Variants in EXOC4 observed in about 807,000 individuals in gnomAD.
EXOC4 encodes the protein SEC8-like 1.
A neutral mutation model predicts 107.2 loss-of-function variants in EXOC4; 71 were observed. The observed-to-expected ratio is 0.66, with a 90% confidence interval of 0.55 to 0.81. EXOC4 has a LOEUF of 0.81. Among genes scored for constraint, EXOC4 ranks in the 30% least tolerant of loss-of-function variants. EXOC4 has a pLI of 0.00. For synonymous variants in EXOC4, 456 were observed against 441.2 expected (o/e 1.03, Z -0.42); for missense variants, 1,108 against 1,189.6 (o/e 0.93, Z 1.01).
intron 9 of EXOC4, among the ~76,000 whole-genome samples, chr7:133,537,816 A>AAT: frequency 6.6e-6 from 1 of 152,296 alleles, no homozygotes; most frequent in Non-Finnish European, 1.5e-5. Context: ...CCATTTTTCA[A>AAT]ATATATCAGT....
intron 17 of EXOC4, among the ~76,000 whole-genome samples, chr7:134,052,932 T>C (rs995917425): frequency 6.6e-6 from 1 of 152,228 alleles, no homozygotes; most frequent in African/African-American, 2.4e-5. Flanking sequence ...CTTTGTGTTT[T>C]ATACAGATCA....
chr7:133,992,648 T>C (rs1304835975), intron 14 of EXOC4, among the ~76,000 whole-genome samples: 1 of 151,390 alleles, frequency 6.6e-6, no homozygotes, highest in East Asian at 1.9e-4. Context: ...CCTAAGAGTT[T>C]TGGGGTGGAG....
chr7:133,372,642 T>G (rs1796402979), intron 6 of EXOC4, among the ~76,000 whole-genome samples: 1 of 152,168 alleles, frequency 6.6e-6, no homozygotes, highest in African/African-American at 2.4e-5. Flanking sequence ...TCATTGGCCC[T>G]GGAGATAACC....
intron 14 of EXOC4, among the ~76,000 whole-genome samples, chr7:133,946,962 A>G (rs901437526): frequency 6.6e-6 from 1 of 152,164 alleles, no homozygotes; most frequent in Non-Finnish European, 1.5e-5. Flanking sequence ...CTATTAATTC[A>G]TAGAGTCTTT....
intron 10 of EXOC4, among the ~76,000 whole-genome samples, chr7:133,647,492 G>C (rs1803022612): frequency 6.6e-6 from 1 of 152,064 alleles, no homozygotes; most frequent in African/African-American, 2.4e-5. Flanking sequence ...GGAACCTGAG[G>C]CATGGAGAGA....
At chr7:133,509,913 T>G (rs1799735511) in intron 9 of EXOC4, among the ~76,000 whole-genome samples, 1 of 152,254 alleles carries the variant, frequency 6.6e-6, no homozygotes, top group African/African-American at 2.4e-5. Context: ...TTCTTTCTTC[T>G]TCTTTTCACC....
At chr7:133,690,788 A>G (rs1037778513) in intron 10 of EXOC4, among the ~76,000 whole-genome samples, 2 of 152,172 alleles carry the variant, frequency 1.3e-5, no homozygotes, top group Non-Finnish European at 2.9e-5. Context: ...TCATTCAAAC[A>G]TAGGACAGGG....
intron 9 of EXOC4, among the ~76,000 whole-genome samples, chr7:133,510,071 C>T (rs940278690): frequency 3.3e-5 from 5 of 152,278 alleles, no homozygotes; most frequent in South Asian, 4.1e-4. Flanking sequence ...CAAACATTAC[C>T]GTGATTCAGT....
chr7:133,364,266 G>C (rs1440966683), intron 6 of EXOC4, among the ~76,000 whole-genome samples: 2 of 151,840 alleles, frequency 1.3e-5, no homozygotes, highest in Admixed American at 6.6e-5. Flanking sequence ...GAGTAGTTGG[G>C]ACTACAGTTA....
At chr7:133,815,065 A>G (rs186068363) in intron 10 of EXOC4, among the ~76,000 whole-genome samples, 2 of 152,304 alleles carry the variant, frequency 1.3e-5, no homozygotes, top group Non-Finnish European at 2.9e-5. Context: ...ATGCAAAGCA[A>G]TCTTAATCAA....
At chr7:133,806,022 A>G (rs775071486) in intron 10 of EXOC4, among the ~76,000 whole-genome samples, 4 of 152,226 alleles carry the variant, frequency 2.6e-5, no homozygotes, top group Non-Finnish European at 5.9e-5. Context: ...AACTACTTGA[A>G]CACTATTCAT....
At chr7:133,634,170 T>C (rs926595974) in intron 10 of EXOC4, among the ~76,000 whole-genome samples, 3 of 152,182 alleles carry the variant, frequency 2.0e-5, no homozygotes, top group Non-Finnish European at 4.4e-5. Flanking sequence ...ATTCTGGTAA[T>C]CTTGCTAACT....
chr7:133,825,183 C>CT (rs1454512494), intron 11 of EXOC4, among the ~76,000 whole-genome samples: 1 of 146,398 alleles, frequency 6.8e-6, no homozygotes. Context: ...GCAACTGTCT[C>CT]TAAAAAAAAA....
intron 12 of EXOC4, among the ~76,000 whole-genome samples, chr7:133,897,250 G>C (rs564751740): frequency 2.7e-5 from 3 of 109,666 alleles, no homozygotes; most frequent in Non-Finnish European, 5.8e-5. Flanking sequence ...CAGTTACATG[G>C]ACAAATTAAA....
chr7:133,340,907 CCTT>C (rs1306149557), intron 5 of EXOC4, among the ~76,000 whole-genome samples: 2 of 151,834 alleles, frequency 1.3e-5, no homozygotes, highest in Admixed American at 6.6e-5. Flanking sequence ...ATTTGGATCT[CCTT>C]CTTTTCTTGA....
In EXOC4 at chr7:133,942,357, A is replaced by C. The variant is rs1800450339; in HGVS notation, c.2206+4288A>C. Among the ~76,000 whole-genome samples the C allele has an allele frequency of 6.6e-5, 10 of 152,176 alleles. No homozygotes were observed. In the South Asian group the frequency reaches 2.1e-3, roughly 32 times the overall value. On this transcript the variant is annotated intron_variant, in intron 14 of 17. Coordinates refer to ENST00000253861, the MANE Select transcript of EXOC4 (RefSeq NM_021807.4). ...CTTCAGAAATTAAATAATTACTATT[A>C]ATGACTATTTTCTCTATAAAATATT... is the stretch of plus-strand genomic sequence containing the variant.
At chr7:133,300,043 C>T (rs953274615) in intron 3 of EXOC4, among the ~76,000 whole-genome samples, 1 of 152,020 alleles carries the variant, frequency 6.6e-6, no homozygotes, top group African/African-American at 2.4e-5. Context: ...AGACAACATC[C>T]TTTTTTTAAT....
intron 10 of EXOC4, among the ~76,000 whole-genome samples, chr7:133,777,927 T>G (rs1796380691): frequency 6.6e-6 from 1 of 152,210 alleles, no homozygotes; most frequent in Admixed American, 6.5e-5. Flanking sequence ...ACCCAGGTAA[T>G]AGTCTGTGCT....
At chr7:134,067,636 T>TACAC (rs1491317350), downstream of EXOC4, among the ~76,000 whole-genome samples, 322 of 129,158 alleles carry the variant, frequency 2.5e-3, no homozygotes, top group Middle Eastern at 3.9e-3. Context: ...TATATATATA[T>TACAC]ATACACACAC....
Sources: gnomAD v4.1 joint callset for allele counts (sites outside exome capture counted in the v4.1 genomes callset) on GRCh38, gnomAD v4.1.1 for gene constraint, MANE v1.5 for transcripts, NCBI Gene and HGNC (gene_info 2026-07-23, HGNC 2026-07-21) for gene names.